The following PIP4K2B variants were observed in gnomAD, a reference collection of about 807,000 sequenced individuals.
PIP4K2B encodes phosphatidylinositol 5-phosphate 4-kinase type-2 beta.
PIP4K2B carries 3 observed loss-of-function variants against 42.0 expected under a neutral mutation model. The observed-to-expected ratio is 0.07, with a 90% CI of 0.03 to 0.18. PIP4K2B has a LOEUF of 0.18. Among genes scored for constraint, PIP4K2B ranks in the 10% least tolerant of loss-of-function variants. PIP4K2B has a pLI of 1.00. For synonymous variants in PIP4K2B, 204 were observed against 210.1 expected (o/e 0.97, Z 0.25); for missense variants, 332 against 562.3 (o/e 0.59, Z 4.14).
intron 7 of PIP4K2B, among the ~76,000 whole-genome samples, chr17:38,772,680 C>G (rs1909112362): frequency 6.6e-6 from 1 of 152,162 alleles, no homozygotes; most frequent in African/African-American, 2.4e-5. Context: ...CTCCCAGGTT[C>G]AAGTGATTCT....
chr17:38,773,008 G>A (rs1032697951), intron 7 of PIP4K2B, among the ~76,000 whole-genome samples: 4 of 152,160 alleles, frequency 2.6e-5, no homozygotes, highest in Non-Finnish European at 4.4e-5. Context: ...AAAAATTCAC[G>A]CATAGTATAT....
intron 7 of PIP4K2B, among the ~76,000 whole-genome samples, chr17:38,775,261 G>GT (rs1361062181): frequency 6.6e-6 from 1 of 151,894 alleles, no homozygotes; most frequent in African/African-American, 2.4e-5. Flanking sequence ...CTTTTGTTTT[G>GT]TTTTTTAAAG....
At chr17:38,787,346 G>GT (rs1567660539) in intron 1 of PIP4K2B, among the ~76,000 whole-genome samples, 1 of 152,138 alleles carries the variant, frequency 6.6e-6, no homozygotes, top group Non-Finnish European at 1.5e-5. Flanking sequence ...TTCTCTTCAA[G>GT]TAAGTTCCCA....
At chr17:38,791,072 T>TG (rs1242419733) in intron 1 of PIP4K2B, among the ~76,000 whole-genome samples, 1 of 151,416 alleles carries the variant, frequency 6.6e-6, no homozygotes, top group Non-Finnish European at 1.5e-5. Flanking sequence ...ATCAGGGAGA[T>TG]GAAAAAAAAC....
At chr17:38,792,918 G>A (rs1420471969) in intron 1 of PIP4K2B, 2 of 152,240 alleles carry the variant, frequency 1.3e-5, no homozygotes, top group African/African-American at 4.8e-5. Flanking sequence ...GCCTGAGTAG[G>A]AATGTTCTCT....
At chr17:38,788,823 G>A (rs1188364238) in intron 1 of PIP4K2B, among the ~76,000 whole-genome samples, 1 of 151,982 alleles carries the variant, frequency 6.6e-6, no homozygotes, top group South Asian at 2.1e-4. Flanking sequence ...TGTGGTGGAA[G>A]CCACCTGTAA....
At chr17:38,780,732 G>C in intron 3 of PIP4K2B, 128 bp from the exon 4 acceptor site, 1 of 802,120 alleles carries the variant, frequency 1.2e-6, no homozygotes, top group Non-Finnish European at 1.9e-6. Context: ...TCCCAGATGG[G>C]AGTTTACCCT....
In PIP4K2B at chr17:38,785,345, G is replaced by A. The variant is rs574127088; in HGVS notation, c.258-1006C>T. On this transcript the variant is annotated intron_variant, in intron 2 of 9. Transcript: ENST00000619039. ...GTGGCCTATCTGCCTTATCTACCCC[G>A]TCTTCTAGTAAACAGTGCTAGAATC... is the stretch of plus-strand genomic sequence containing the variant. 9.8e-4 allele frequency among the ~76,000 whole-genome samples: 149 copies of A among 152,222 alleles called. 2 individuals are homozygous for A. In the South Asian group the frequency reaches 0.029, roughly 29 times the overall value.
chr17:38,778,523 C>T (rs559828704), intron 5 of PIP4K2B, 151 bp from the exon 6 acceptor site: 15 of 762,384 alleles, frequency 2.0e-5, no homozygotes, highest in South Asian at 2.0e-4. Flanking sequence ...CTGTGTCAAG[C>T]CCACTTATAG....
chr17:38,780,626 G>A, intron 3 of PIP4K2B, 22 bp from the exon 4 acceptor site: 1 of 1,600,386 alleles, frequency 6.2e-7, no homozygotes, highest in South Asian at 1.1e-5. Context: ...GACAAAAGAA[G>A]GCTGGGCTTG....
chr17:38,782,541 T>A (rs549016163), intron 3 of PIP4K2B, among the ~76,000 whole-genome samples: 8 of 152,206 alleles, frequency 5.3e-5, no homozygotes, highest in African/African-American at 1.7e-4. Context: ...CAAGTCATGA[T>A]TGAGTTCAGG....
intron 5 of PIP4K2B, 135 bp downstream of exon 5, chr17:38,779,248 A>G (rs890946439): frequency 3.6e-6 from 3 of 830,116 alleles, no homozygotes; most frequent in Admixed American, 2.2e-5. Flanking sequence ...AGAATCAGGC[A>G]TATCCACTCC....
chr17:38,792,951 C>CG (rs1910417044), intron 1 of PIP4K2B: 1 of 151,186 alleles, frequency 6.6e-6, no homozygotes, highest in Non-Finnish European at 1.5e-5. Context: ...TTTTTTGAAA[C>CG]GGAGTCTCAC....
Position 38,779,512 on chromosome 17 carries a change from A to G in PIP4K2B, c.525T>C (p.His175=), listed in dbSNP as rs757164152. The change falls in exon 5 of 10, where the codon CAT becomes CAC. Residue 175 remains histidine, a synonymous_variant. Coordinates refer to ENST00000619039, the MANE Select transcript of PIP4K2B (RefSeq NM_003559.5). Reference sequence around the variant, plus strand: ...GGAACTGTGGCAAAAGCGTGTTGCCATGACACTCCACTATAAACTAGAATG... The same window carrying G: ...GGAACTGTGGCAAAAGCGTGTTGCCGTGACACTCCACTATAAACTAGAATG... ...KKYHQFIVEC[H]GNTLLPQFLG... is the part of the protein sequence containing the mutation. 7.4e-6 allele frequency: 12 copies of G among 1,613,974 alleles called. No homozygotes were observed. In the African/African-American group the frequency reaches 1.6e-4, roughly 22 times the overall value.
At chr17:38,776,406 T>C (rs1243029844) in intron 7 of PIP4K2B, among the ~76,000 whole-genome samples, 1 of 152,124 alleles carries the variant, frequency 6.6e-6, no homozygotes, top group African/African-American at 2.4e-5. Context: ...CTGGGAAAGA[T>C]AAAAGTTCAG....
intron 8 of PIP4K2B, among the ~76,000 whole-genome samples, chr17:38,770,773 T>C (rs1908976404): frequency 6.6e-6 from 1 of 152,058 alleles, no homozygotes; most frequent in Non-Finnish European, 1.5e-5. Flanking sequence ...GTTCATCTCA[T>C]GAACCAGAGC....
At chr17:38,787,101 C>A (rs1189496093) in intron 1 of PIP4K2B, among the ~76,000 whole-genome samples, 181 bp from the exon 2 acceptor site, 2 of 152,134 alleles carry the variant, frequency 1.3e-5, no homozygotes, top group African/African-American at 4.8e-5. Context: ...AGTGGCATGA[C>A]AATGGCTCAT....
In PIP4K2B at chr17:38,780,546, C is replaced by T. The variant is rs1360253040; in HGVS notation, c.413G>A (p.Arg138His). Residue 138 changes from arginine (R) to histidine (H), a missense_variant, in exon 4 of 10, where the codon CGT becomes CAT. This residue lies in a region of PIP4K2B where 186 missense variants were observed against 288.4 expected (regional missense o/e 0.64). Coordinates refer to ENST00000619039, the MANE Select transcript of PIP4K2B (RefSeq NM_003559.5). ...GCGCCGGTCGTAGGTGGTGAGGAAA[C>T]GCGTGCCACACCGACCCTGGCTGTC... is the stretch of plus-strand genomic sequence containing the variant. ...NSDSQGRCGT[R>H]FLTTYDRRFV... 8 of 1,613,742 alleles carry T rather than the reference C, an allele frequency of 5.0e-6. No homozygotes were observed. Among genetic ancestry groups the T allele is most frequent in the East Asian group, 2.2e-5 (1 of 44,884 alleles).
chr17:38,784,200 AT>A (rs770977387), intron 3 of PIP4K2B, 42 bp downstream of exon 3: 3 of 1,212,512 alleles, frequency 2.5e-6, no homozygotes, highest in Non-Finnish European at 3.7e-6. Flanking sequence ...TCCTGACCCC[AT>A]TCCATTCCCT....
Sources: gnomAD v4.1 joint callset for allele counts (sites outside exome capture counted in the v4.1 genomes callset) on GRCh38, gnomAD v4.1.1 for gene constraint, gnomAD v4.1.1 regional missense constraint, MANE v1.5 for transcripts, NCBI Gene and HGNC (gene_info 2026-07-23, HGNC 2026-07-21) for gene names.